The following ATP5F1A variants were observed in gnomAD, a reference collection of about 807,000 sequenced individuals.
ATP5F1A encodes ATP synthase F(1) complex subunit alpha, mitochondrial.
ATP5F1A carries 24 observed loss-of-function variants against 57.4 expected under a neutral mutation model. The observed-to-expected ratio is 0.42, with a 90% confidence interval of 0.30 to 0.59. The LOEUF is 0.59. Ranked by LOEUF, ATP5F1A falls within the 20% of genes least tolerant of loss-of-function variation. ATP5F1A has a pLI of 0.19. For synonymous variants in ATP5F1A, 251 were observed against 255.5 expected, an observed-to-expected ratio of 0.98 and a Z score of 0.17; for missense variants, 494 against 707.9, an observed-to-expected ratio of 0.70 and a Z score of 3.43.
At chr18:46,087,656 G>T (rs994202626) in intron 6 of ATP5F1A, 164 bp from the exon 7 acceptor site, 7 of 746,150 alleles carry the variant, frequency 9.4e-6, no homozygotes, top group African/African-American at 1.8e-5. Flanking sequence ...CTAGGCGGGT[G>T]ATCACCTGAG....
chr18:46,094,168 C>CAT (rs1910769499), intron 2 of ATP5F1A, among the ~76,000 whole-genome samples: 1 of 141,356 alleles, frequency 7.1e-6, no homozygotes, highest in African/African-American at 2.9e-5. Context: ...TACACATACA[C>CAT]ACACACACAC....
At chr18:46,100,733 T>A (rs143760558), upstream of ATP5F1A, among the ~76,000 whole-genome samples, 1 of 152,338 alleles carries the variant, frequency 6.6e-6, no homozygotes, top group East Asian at 1.9e-4. Flanking sequence ...GGTAAAACGA[T>A]CCTTAGAGTC....
At position 46,081,948 on chromosome 18, in the gene ATP5F1A, A is replaced by G. The variant is rs918675568; in HGVS notation, c.*2334T>C. ...TGACTTACTGGAGACAGAGAGATGG[A>G]TAAGAATGAAGTTTCGGTACAGCAA... is the stretch of plus-strand genomic sequence containing the variant. On this transcript the variant is annotated 3_prime_UTR_variant, in exon 12 of 12. Transcript: ENST00000398752. 12 of 152,048 alleles carry G rather than the reference A, an allele frequency of 7.9e-5. No individual in the cohort carries two copies. Among genetic ancestry groups the G allele is most frequent in the South Asian group, 2.1e-4 (1 of 4,826 alleles). The allele number at this position is 152,048 out of a possible 1,614,324, so 9.4% of individuals were successfully genotyped here.
chr18:46,089,461 T>C, intron 5 of ATP5F1A, 105 bp downstream of exon 5: 14 of 1,321,340 alleles, frequency 1.1e-5, no homozygotes, highest in Non-Finnish European at 1.5e-5. Flanking sequence ...ATCCTCGTAT[T>C]AGATTCTAAT....
intron 2 of ATP5F1A, among the ~76,000 whole-genome samples, chr18:46,093,801 G>A (rs745386728): frequency 6.6e-6 from 1 of 151,768 alleles, no homozygotes; most frequent in Non-Finnish European, 1.5e-5. Context: ...TCCAGCTTGG[G>A]CAACAGAGTC....
chr18:46,096,291 G>A (rs1192955411), intron 1 of ATP5F1A, among the ~76,000 whole-genome samples: 28 of 151,336 alleles, frequency 1.9e-4, no homozygotes, highest in African/African-American at 5.6e-4. Context: ...ACCTAAGGTC[G>A]GGAGTTGGAG....
chr18:46,086,429 T>C lies in ATP5F1A; in HGVS notation c.1242A>G (p.Val414=), dbSNP rs749059009. ...TTTGGGCAGCGGATCCGACACGAGA[T>C]ACAGACAGACCAACGTTAATTGCAG... is the stretch of plus-strand genomic sequence containing the variant. ...IRPAINVGLS[V]SRVGSAAQTR... is the part of the protein sequence containing the mutation. Residue 414 remains valine, a synonymous_variant, in exon 9 of 12, where the codon GTA becomes GTG. Coordinates refer to ENST00000398752, the MANE Select transcript of ATP5F1A (RefSeq NM_004046.6). The C allele has an allele frequency of 1.9e-5, 30 of 1,614,022 alleles. No homozygotes were observed. The Admixed American group carries it at 3.7e-4, about 20-fold the overall frequency.
rs139788686 is a variant in ATP5F1A, at chr18:46,081,395, G to A, written c.*2887C>T. On this transcript the variant is annotated 3_prime_UTR_variant, in exon 12 of 12. Coordinates refer to ENST00000398752, the MANE Select transcript of ATP5F1A (RefSeq NM_004046.6). Reference sequence around the variant, plus strand: ...GGTATAAAATGCTCCAACAAGCCGGGCGCAGTGGCTCACCCCTGTAATCCC... The same window carrying A: ...GGTATAAAATGCTCCAACAAGCCGGACGCAGTGGCTCACCCCTGTAATCCC... 57 of 151,938 alleles carry A rather than the reference G, an allele frequency of 3.8e-4. No individual in the cohort carries two copies. The highest frequency in any genetic ancestry group is 1.3e-3 in the African/African-American group (55 of 41,448). The allele number at this position is 151,938 out of a possible 1,614,324, so 9.4% of individuals were successfully genotyped here.
At chr18:46,100,158 G>A (rs1043684409), upstream of ATP5F1A, among the ~76,000 whole-genome samples, 8 of 150,960 alleles carry the variant, frequency 5.3e-5, no homozygotes, top group African/African-American at 2.0e-4. Flanking sequence ...GGCTGAGGCA[G>A]GAGAATTGCT....
chr18:46,094,790 T>C (rs1910821543), intron 2 of ATP5F1A: 1 of 331,728 alleles, frequency 3.0e-6, no homozygotes, highest in Non-Finnish European at 5.2e-6. Context: ...GTGTATGTTC[T>C]TTCTGTTTCT....
chr18:46,085,034 C>G, intron 10 of ATP5F1A: 1 of 158,832 alleles, frequency 6.3e-6, no homozygotes, highest in Non-Finnish European at 1.4e-5. Context: ...GGAGGGGACT[C>G]TAACAGGCCT....
upstream of ATP5F1A, among the ~76,000 whole-genome samples, chr18:46,102,576 G>C (rs921090763): frequency 2.6e-5 from 4 of 152,068 alleles, no homozygotes; most frequent in South Asian, 2.1e-4. Context: ...CACCTGCCTC[G>C]GCCTCCCAAA....
In ATP5F1A at chr18:46,094,186, C is replaced by CACACACACACACACACACAT. The variant is rs140950200; in HGVS notation, c.139+866_139+867insATGTGTGTGTGTGTGTGTGT. The stretch of plus-strand genomic sequence containing the variant: ...ACATACACACACACACACACACACA[C>CACACACACACACACACACAT]ATATACACACACACTCTCACACACA... On this transcript the variant is annotated intron_variant, in intron 2 of 11. Transcript: ENST00000398752. 3.2e-3 allele frequency among the ~76,000 whole-genome samples: 491 copies of CACACACACACACACACACAT among 151,086 alleles called. 1 individual carries two copies. The highest frequency in any genetic ancestry group is 0.011 in the African/African-American group (472 of 41,044).
rs1313576166 is a variant in ATP5F1A at position 46,082,053 on chromosome 18, TACAG to T, written c.*2225_*2228del. 1.4e-5 allele frequency: 2 copies of T among 145,068 alleles called. No homozygotes were observed. The highest frequency in any genetic ancestry group is 3.0e-5 in the Non-Finnish European group (2 of 66,932). The allele number at this position is 145,068 out of a possible 1,614,324, so 9.0% of individuals were successfully genotyped here. A position where few individuals can be genotyped will look rare whatever the true frequency, so the allele number is the denominator to read the frequency against. ...TTAGAACATGACCATGTATGACCCTTACAGACAAAAGCCTTTATATATCAGTAAA... is the reference window on the plus strand; with the variant it reads ...TTAGAACATGACCATGTATGACCCTTACAAAAGCCTTTATATATCAGTAAA... On this transcript the variant is annotated 3_prime_UTR_variant, in exon 12 of 12. Transcript: ENST00000398752.
At chr18:46,093,016 G>A (rs1326257898) in intron 2 of ATP5F1A, among the ~76,000 whole-genome samples, 1 of 152,004 alleles carries the variant, frequency 6.6e-6, no homozygotes, top group Non-Finnish European at 1.5e-5. Flanking sequence ...GGGCATGGTG[G>A]TGCATGCCTG....
exon 1 of ATP5F1A, chr18:46,104,193 G>A (rs1373856504): frequency 1.5e-5 from 6 of 408,512 alleles, no homozygotes; most frequent in Non-Finnish European, 2.2e-5. Flanking sequence ...AAGGCGGGAA[G>A]AGCTGGGAAG....
At chr18:46,092,069 G>A (rs1461670534) in intron 2 of ATP5F1A, 2 of 279,128 alleles carry the variant, frequency 7.2e-6, no homozygotes, top group Non-Finnish European at 1.3e-5. Context: ...TACTCGGGAG[G>A]CGGAGGCTGA....
At position 46,091,859 on chromosome 18, in the gene ATP5F1A, A is replaced by G. The variant is rs1466986914; in HGVS notation, c.140-8T>C. The G allele has an allele frequency of 6.2e-7, 1 of 1,604,110 alleles. No individual in the cohort carries two copies. The highest frequency in any genetic ancestry group is 2.2e-5 in the East Asian group (1 of 44,718). On this transcript the variant is annotated splice_region_variant and splice_polypyrimidine_tract_variant and intron_variant, in intron 2 of 11. Coordinates refer to ENST00000398752, the MANE Select transcript of ATP5F1A (RefSeq NM_004046.6). Reference sequence around the variant, plus strand: ...AGGACATCTCAGCAGTCCCTATGGAAGACAATTCAATTCAATTAAAAAAAT... The same window carrying G: ...AGGACATCTCAGCAGTCCCTATGGAGGACAATTCAATTCAATTAAAAAAAT...
In ATP5F1A at chr18:46,083,241, A is replaced by G. The variant is rs1487610253; in HGVS notation, c.*1041T>C. ...GATCACTTGAGCCAAGGAGTTCATC[A>G]TCAGCCTGGACAACATGGCAAGACC... On this transcript the variant is annotated 3_prime_UTR_variant, in exon 12 of 12. Coordinates refer to ENST00000398752, the MANE Select transcript of ATP5F1A (RefSeq NM_004046.6). 6.6e-6 allele frequency: 1 copy of G among 151,992 alleles called. No homozygotes were observed. The highest frequency in any genetic ancestry group is 1.5e-5 in the Non-Finnish European group (1 of 68,162). 9.4% of individuals were successfully genotyped at this position (151,992 alleles called of 1,614,324 possible).
Sources: gnomAD v4.1 joint callset for allele counts (sites outside exome capture counted in the v4.1 genomes callset) on GRCh38, gnomAD v4.1.1 for gene constraint, MANE v1.5 for transcripts, NCBI Gene and HGNC (gene_info 2026-07-23, HGNC 2026-07-21) for gene names.